Variants in AIG1 observed in about 807,000 individuals in gnomAD.
AIG1 encodes androgen induced 1.
A neutral mutation model predicts 31.4 loss-of-function variants in AIG1; 23 were observed. That is an observed-to-expected ratio of 0.73 (90% CI 0.53 to 1.04). AIG1 has a LOEUF of 1.04. AIG1 is among the 50% of genes least tolerant of loss of function. AIG1 has a pLI of 0.00. For missense variants in AIG1, 274 were observed against 295.0 expected (o/e 0.93, Z 0.52); for synonymous variants, 100 against 110.5 (o/e 0.90, Z 0.60).
chr6:143,306,450 G>C (rs1340337725), intron 4 of AIG1, among the ~76,000 whole-genome samples: 5 of 152,006 alleles, frequency 3.3e-5, no homozygotes, highest in Admixed American at 3.3e-4. Flanking sequence ...GCATTTGCTT[G>C]TCTGTAAAGG....
chr6:143,267,913 C>T (rs1160298772), intron 3 of AIG1, among the ~76,000 whole-genome samples: 2 of 152,044 alleles, frequency 1.3e-5, no homozygotes, highest in African/African-American at 2.4e-5. Context: ...AAAGTAGGTA[C>T]GAGGAAGGAT....
chr6:143,075,859 G>T (rs1359820189), intron 1 of AIG1, among the ~76,000 whole-genome samples: 2 of 152,062 alleles, frequency 1.3e-5, no homozygotes, highest in Non-Finnish European at 2.9e-5. Flanking sequence ...TTTACAGTGA[G>T]TTGTACACTA....
At position 143,189,935 on chromosome 6, in the gene AIG1, A is replaced by G. The variant is rs573858533; in HGVS notation, c.399+24752A>G. The G allele has an allele frequency of 4.3e-6, 3 of 689,740 alleles. No homozygotes were observed. The South Asian group carries it at 1.9e-4, about 45-fold the overall frequency. 42.7% of individuals were successfully genotyped at this position (689,740 alleles called of 1,614,324 possible). ...CTGGGAAGTCCAAGAGCTGGGTGCC[A>G]GCATGGTTGGGTTCTGATGAGGATC... On this transcript the variant is annotated intron_variant, in intron 3 of 5. Coordinates refer to ENST00000357847, the MANE Select transcript of AIG1 (RefSeq NM_016108.4).
At chr6:143,225,673 AC>A (rs1792892919) in intron 3 of AIG1, among the ~76,000 whole-genome samples, 1 of 152,124 alleles carries the variant, frequency 6.6e-6, no homozygotes. Context: ...TAGAAAAAAA[AC>A]CCTGTAGCTC....
At chr6:143,181,794 A>G (rs931893027) in intron 3 of AIG1, among the ~76,000 whole-genome samples, 11 of 152,136 alleles carry the variant, frequency 7.2e-5, no homozygotes, top group African/African-American at 2.7e-4. Context: ...GGAAAAGAGA[A>G]AAAGAAGGAT....
At chr6:143,319,238 A>G (rs1160391454) in intron 4 of AIG1, among the ~76,000 whole-genome samples, 1 of 152,248 alleles carries the variant, frequency 6.6e-6, no homozygotes, top group African/African-American at 2.4e-5. Flanking sequence ...ATGCCCATCA[A>G]TCAACAAGTG....
chr6:143,235,636 G>A (rs572967048), intron 3 of AIG1, among the ~76,000 whole-genome samples: 26 of 152,094 alleles, frequency 1.7e-4, no homozygotes, highest in Non-Finnish European at 3.2e-4. Context: ...AAGAAGAAAA[G>A]TCTAGGTTCC....
intron 3 of AIG1, among the ~76,000 whole-genome samples, chr6:143,196,351 A>ACACACGCGCGCG (rs57775979): frequency 7.3e-4 from 4 of 5,472 alleles, no homozygotes; most frequent in Admixed American, 4.2e-3. Flanking sequence ...AACAAAAGCA[A>ACACACGCGCGCG]CACACACACA....
chr6:143,294,951 T>A (rs1428558365), intron 4 of AIG1, among the ~76,000 whole-genome samples: 1 of 152,140 alleles, frequency 6.6e-6, no homozygotes, highest in Non-Finnish European at 1.5e-5. Context: ...CCCATCCACA[T>A]GTGTTTGCAA....
intron 2 of AIG1, among the ~76,000 whole-genome samples, chr6:143,157,565 G>A (rs1785915426): frequency 6.6e-6 from 1 of 151,732 alleles, no homozygotes; most frequent in African/African-American, 2.4e-5. Flanking sequence ...ACAGCAGGAA[G>A]GTTTTTCAGT....
At position 143,338,542 on chromosome 6, in the gene AIG1, G is replaced by A. The variant is rs1583919125; in HGVS notation, c.680-1097G>A. 1.3e-5 allele frequency: 2 copies of A among 152,240 alleles called. No homozygotes were observed. The highest frequency in any genetic ancestry group is 4.8e-5 in the African/African-American group (2 of 41,436). 9.4% of individuals were successfully genotyped at this position (152,240 alleles called of 1,614,324 possible). On this transcript the variant is annotated intron_variant, in intron 5 of 5. Coordinates refer to ENST00000357847, the MANE Select transcript of AIG1 (RefSeq NM_016108.4). The surrounding 1 kb of genome is among the most constrained non-coding windows in gnomAD (Gnocchi z 4.3). The stretch of plus-strand genomic sequence containing the variant: ...GGTGGGGGAGTCCTTCCTATTGTAA[G>A]CCCTAACATTATGACCCTCTGGGGT...
intron 3 of AIG1, among the ~76,000 whole-genome samples, chr6:143,239,505 TG>T (rs970383266): frequency 1.3e-5 from 2 of 152,214 alleles, no homozygotes; most frequent in African/African-American, 4.8e-5. Flanking sequence ...GCGCCACCAC[TG>T]GCTGGAACAG....
intron 1 of AIG1, among the ~76,000 whole-genome samples, chr6:143,105,100 AAAT>A (rs1780682382): frequency 6.6e-6 from 1 of 152,132 alleles, no homozygotes; most frequent in South Asian, 2.1e-4. Context: ...TTTTGAATAA[AAAT>A]AAGGGCAACA....
chr6:143,213,508 CTTTTTTTTTT>C lies in AIG1; in HGVS notation c.399+48342_399+48351del, dbSNP rs746350692. ...GGAAAGTTCTTTCTTTTTCTTTCTT[CTTTTTTTTTT>C]TTTTTTTTTTTTTTTTGAGATGGAG... On this transcript the variant is annotated intron_variant, in intron 3 of 5. Transcript: ENST00000357847. Among the ~76,000 whole-genome samples the C allele has an allele frequency of 3.2e-3, 193 of 61,194 alleles. 1 individual carries two copies. The highest frequency in any genetic ancestry group is 0.011 in the African/African-American group (185 of 17,408). The allele number at this position is 61,194 out of a possible 152,430, so 40.1% of individuals were successfully genotyped here. A position where few individuals can be genotyped will look rare whatever the true frequency, so the allele number is the denominator to read the frequency against.
intron 1 of AIG1, among the ~76,000 whole-genome samples, chr6:143,088,693 C>T (rs1779026407): frequency 2.0e-5 from 3 of 152,136 alleles, no homozygotes; most frequent in Admixed American, 2.0e-4. Flanking sequence ...GGACAGTACT[C>T]ATTGATTAAA....
chr6:143,187,804 C>A, intron 3 of AIG1: 1 of 1,498,142 alleles, frequency 6.7e-7, no homozygotes, highest in South Asian at 1.3e-5. Context: ...GAAGTTTTGC[C>A]AAGTTGATGA....
intron 1 of AIG1, among the ~76,000 whole-genome samples, chr6:143,098,207 A>T (rs909422702): frequency 6.6e-6 from 1 of 152,114 alleles, no homozygotes; most frequent in Non-Finnish European, 1.5e-5. Context: ...TCTGAAACAC[A>T]CTCTGCCCCA....
At chr6:143,062,583 C>T (rs971106000) in intron 1 of AIG1, among the ~76,000 whole-genome samples, 3 of 152,102 alleles carry the variant, frequency 2.0e-5, no homozygotes, top group Non-Finnish European at 4.4e-5. Flanking sequence ...ATTGGCTTGT[C>T]AATGAGGATT....
chr6:143,207,538 A>G (rs201475781), intron 3 of AIG1, among the ~76,000 whole-genome samples: 7 of 152,118 alleles, frequency 4.6e-5, no homozygotes, highest in Admixed American at 2.6e-4. Flanking sequence ...ACACACACAC[A>G]CACACACCCC....
Sources: allele counts gnomAD v4.1 joint callset (sites outside exome capture counted in the v4.1 genomes callset), GRCh38; gene constraint gnomAD v4.1.1; non-coding constraint Gnocchi (gnomAD v3.1); transcripts MANE v1.5; gene names NCBI Gene and HGNC (gene_info 2026-07-23, HGNC 2026-07-21).